Variants in MLLT3 observed in about 807,000 individuals in gnomAD.
The protein encoded by MLLT3 is protein AF-9.
MLLT3 carries 4 observed loss-of-function variants against 53.2 expected under a neutral mutation model. The ratio of observed to expected loss-of-function variants is 0.08; its 90% CI spans 0.04 to 0.17. MLLT3 has a LOEUF of 0.17. Among genes scored for constraint, MLLT3 ranks in the 10% least tolerant of loss-of-function variants. The pLI is 1.00. For missense variants in MLLT3, 569 were observed against 684.0 expected, an observed-to-expected ratio of 0.83 and a Z score of 1.87; for synonymous variants, 283 against 230.6, an observed-to-expected ratio of 1.23 and a Z score of -2.06.
chr9:20,422,176 T>A (rs943870388), intron 4 of MLLT3, among the ~76,000 whole-genome samples: 14 of 152,236 alleles, frequency 9.2e-5, no homozygotes, highest in African/African-American at 3.4e-4. Context: ...AAACAATATA[T>A]GTGGCCAGTG....
chr9:20,518,584 A>G (rs1451883335), intron 2 of MLLT3, among the ~76,000 whole-genome samples: 1 of 152,190 alleles, frequency 6.6e-6, no homozygotes, highest in African/African-American at 2.4e-5. Flanking sequence ...TCATAAAGAT[A>G]AAATAAAATT....
At chr9:20,532,607 T>C (rs762585768) in intron 2 of MLLT3, 1 of 252,826 alleles carries the variant, frequency 4.0e-6, no homozygotes, top group Non-Finnish European at 7.5e-6. Context: ...CCTGCTGTCC[T>C]GAAAAAGCAG....
At chr9:20,396,597 G>A (rs116766385) in intron 5 of MLLT3, among the ~76,000 whole-genome samples, 100 of 152,068 alleles carry the variant, frequency 6.6e-4, no homozygotes, top group African/African-American at 2.2e-3. Context: ...TGCTTGCCTG[G>A]GCCCAAAGTG....
At chr9:20,366,787 G>T (rs1821463553) in intron 5 of MLLT3, among the ~76,000 whole-genome samples, 1 of 152,152 alleles carries the variant, frequency 6.6e-6, no homozygotes, top group South Asian at 2.1e-4. Context: ...CATTTCAAAA[G>T]AAGACATTTA....
At chr9:20,558,808 G>A (rs1323821453) in intron 2 of MLLT3, among the ~76,000 whole-genome samples, 6 of 152,142 alleles carry the variant, frequency 3.9e-5, no homozygotes, top group Admixed American at 2.0e-4. Flanking sequence ...AGAAACTGTT[G>A]GCATCATTTG....
At chr9:20,512,594 A>AC (rs1817783413) in intron 2 of MLLT3, among the ~76,000 whole-genome samples, 6 of 151,898 alleles carry the variant, frequency 4.0e-5, no homozygotes, top group Admixed American at 1.3e-4. Flanking sequence ...TATCCTATAC[A>AC]CCCCCTAAGT....
intron 5 of MLLT3, among the ~76,000 whole-genome samples, chr9:20,412,353 T>A (rs996390839): frequency 1.3e-5 from 2 of 152,212 alleles, no homozygotes; most frequent in Admixed American, 1.3e-4. Context: ...TTTCATAAAT[T>A]ATGACTATAA....
chr9:20,389,484 A>T (rs889702903), intron 5 of MLLT3, among the ~76,000 whole-genome samples: 2 of 152,048 alleles, frequency 1.3e-5, no homozygotes, highest in African/African-American at 4.8e-5. Context: ...TATACTAAAA[A>T]CCACTTTAGA....
intron 10 of MLLT3, among the ~76,000 whole-genome samples, chr9:20,352,769 A>C (rs1327212600): frequency 2.0e-5 from 3 of 151,104 alleles, no homozygotes; most frequent in African/African-American, 7.3e-5. Flanking sequence ...ACGTCAAGTC[A>C]TTTGAAAGTA....
rs528780119 is a variant in MLLT3 at position 20,374,469 on chromosome 9, T to C, written c.1126-8725A>G. ...GTGAAATCTATGTTACCAATTCCCA[T>C]TAATGGGTAAAATATTGAGATAGCT... On this transcript the variant is annotated intron_variant, in intron 5 of 10. Coordinates refer to ENST00000380338, the MANE Select transcript of MLLT3 (RefSeq NM_004529.4). 7.9e-5 allele frequency among the ~76,000 whole-genome samples: 12 copies of C among 152,310 alleles called. No individual in the cohort carries two copies. The South Asian group carries it at 1.7e-3, about 21-fold the overall frequency.
At chr9:20,399,361 T>C (rs1822399585) in intron 5 of MLLT3, among the ~76,000 whole-genome samples, 2 of 152,126 alleles carry the variant, frequency 1.3e-5, no homozygotes, top group Admixed American at 1.3e-4. Context: ...TCAATATTTG[T>C]TGAGTGCCAA....
At chr9:20,504,067 T>C (rs1825321031) in intron 2 of MLLT3, among the ~76,000 whole-genome samples, 1 of 152,048 alleles carries the variant, frequency 6.6e-6, no homozygotes, top group African/African-American at 2.4e-5. Flanking sequence ...TGCAAGGATA[T>C]AGAGAGCAGA....
At chr9:20,433,770 A>G (rs994626446) in intron 4 of MLLT3, among the ~76,000 whole-genome samples, 2 of 152,128 alleles carry the variant, frequency 1.3e-5, no homozygotes, top group Non-Finnish European at 2.9e-5. Flanking sequence ...AGGCTAAGAC[A>G]TGACAACTAA....
intron 4 of MLLT3, among the ~76,000 whole-genome samples, chr9:20,432,094 T>C (rs1823286444): frequency 6.6e-6 from 1 of 152,156 alleles, no homozygotes; most frequent in African/African-American, 2.4e-5. Flanking sequence ...ATTCCTGATG[T>C]CAAAATCTTC....
rs142661305 is a variant in MLLT3, at chr9:20,513,456, T to C, written c.194-56670A>G. ...GGCGAAAGACAAGATGGCAGGGAAA[T>C]GCACTCAACCAGCAGATGGGCAGCC... On this transcript the variant is annotated intron_variant, in intron 2 of 10. Coordinates refer to ENST00000380338, the MANE Select transcript of MLLT3 (RefSeq NM_004529.4). Among the ~76,000 whole-genome samples the C allele has an allele frequency of 1.7e-3, 259 of 152,090 alleles. 1 individual carries two copies. Among genetic ancestry groups the C allele is most frequent in the Non-Finnish European group, 2.5e-3 (173 of 68,002 alleles).
chr9:20,417,293 C>A (rs1435449409), intron 4 of MLLT3, among the ~76,000 whole-genome samples: 1 of 146,926 alleles, frequency 6.8e-6, no homozygotes. Flanking sequence ...AGACATTAAA[C>A]TGTCACTGAC....
At position 20,345,829 on chromosome 9, in the gene MLLT3, C is replaced by G. The variant is rs895331250; in HGVS notation, c.*614G>C. 4 of 224,284 alleles carry G rather than the reference C, an allele frequency of 1.8e-5. No individual in the cohort carries two copies. Among genetic ancestry groups the G allele is most frequent in the Non-Finnish European group, 2.7e-5 (3 of 112,160 alleles). 13.9% of individuals were successfully genotyped at this position (224,284 alleles called of 1,614,324 possible). A position where few individuals can be genotyped will look rare whatever the true frequency, so the allele number is the denominator to read the frequency against. On this transcript the variant is annotated 3_prime_UTR_variant, in exon 11 of 11. Coordinates refer to ENST00000380338, the MANE Select transcript of MLLT3 (RefSeq NM_004529.4). Reference sequence around the variant, plus strand: ...CCAGTTGATAATCTGTGTCCTGGAACTGGAAAAACAAAAGGTGGAAAATAC... The same window carrying G: ...CCAGTTGATAATCTGTGTCCTGGAAGTGGAAAAACAAAAGGTGGAAAATAC...
At chr9:20,363,380 T>A (rs1821372266) in intron 7 of MLLT3, 96 bp downstream of exon 7, 1 of 1,463,176 alleles carries the variant, frequency 6.8e-7, no homozygotes, top group South Asian at 1.3e-5. Context: ...TACTGCCGTT[T>A]TTGGTGTTTC....
At chr9:20,463,134 C>A (rs1332853067) in intron 2 of MLLT3, among the ~76,000 whole-genome samples, 2 of 151,986 alleles carry the variant, frequency 1.3e-5, no homozygotes. Flanking sequence ...TACAGAGAAC[C>A]CCTAGATTTG....
Sources: gnomAD v4.1 joint callset for allele counts (sites outside exome capture counted in the v4.1 genomes callset) on GRCh38, gnomAD v4.1.1 for gene constraint, MANE v1.5 for transcripts, NCBI Gene and HGNC (gene_info 2026-07-23, HGNC 2026-07-21) for gene names.